Variants in HSF2BP observed in about 807,000 individuals in gnomAD.
The protein encoded by HSF2BP is heat shock factor 2-binding protein.
Under a neutral mutation model 35.0 loss-of-function variants are expected in HSF2BP, and 35 were observed. The observed-to-expected ratio is 1.00, with a 90% confidence interval of 0.76 to 1.32. The LOEUF (loss-of-function observed/expected upper bound fraction) is 1.32, where lower values mean the gene tolerates loss of function less well. Ranked by LOEUF, HSF2BP falls within the 40% of genes most tolerant of loss-of-function variation. HSF2BP has a pLI of 0.00. For synonymous variants in HSF2BP, 114 were observed against 117.4 expected, an observed-to-expected ratio of 0.97 and a Z score of 0.18; for missense variants, 326 against 321.7, an observed-to-expected ratio of 1.01 and a Z score of -0.10.
At chr21:43,607,238 C>T (rs1242510639) in intron 7 of HSF2BP, among the ~76,000 whole-genome samples, 4 of 151,024 alleles carry the variant, frequency 2.6e-5, no homozygotes, top group Admixed American at 2.0e-4. Flanking sequence ...TGCAGTGAGC[C>T]GTGATTATGC....
chr21:43,650,447 C>CACCT (rs2082768372), intron 3 of HSF2BP, among the ~76,000 whole-genome samples: 2 of 151,922 alleles, frequency 1.3e-5, no homozygotes, highest in African/African-American at 4.8e-5. Flanking sequence ...CCTCGTGATC[C>CACCT]GCCCACTTCG....
intron 5 of HSF2BP, among the ~76,000 whole-genome samples, chr21:43,632,485 CCA>C (rs919752360): frequency 5.2e-5 from 2 of 38,252 alleles, no homozygotes; most frequent in Non-Finnish European, 8.0e-5. Flanking sequence ...ACACACGCTG[CCA>C]CACACACACA....
intron 7 of HSF2BP, among the ~76,000 whole-genome samples, chr21:43,601,112 G>A (rs1601646005): frequency 6.6e-6 from 1 of 152,118 alleles, no homozygotes; most frequent in African/African-American, 2.4e-5. Context: ...AACATTTTCT[G>A]TACAAGCATC....
chr21:43,612,377 C>A (rs951043679), intron 7 of HSF2BP, among the ~76,000 whole-genome samples: 2 of 152,144 alleles, frequency 1.3e-5, no homozygotes, highest in African/African-American at 4.8e-5. Flanking sequence ...CTAGGCCGGG[C>A]GCAGGGGCTC....
chr21:43,592,262 A>G lies in HSF2BP; in HGVS notation c.759T>C (p.Ser253=). The G allele has an allele frequency of 6.2e-7, 1 of 1,613,678 alleles. No individual in the cohort carries two copies. Among genetic ancestry groups the G allele is most frequent in the South Asian group, 1.1e-5 (1 of 91,048 alleles). The change falls in exon 8 of 9, where the codon AGT becomes AGC. Residue 253 remains serine, a synonymous_variant. Transcript: ENST00000291560. ...NLKGLKYISE[S]PGFIPLLWWL... The stretch of plus-strand genomic sequence containing the variant: ...ACCACAGCAAAGGGATGAATCCTGG[A>G]CTCTCGCTGATGTATTTCAAGCCTT...
At chr21:43,625,142 C>G (rs568371656) in intron 6 of HSF2BP, among the ~76,000 whole-genome samples, 1 of 152,210 alleles carries the variant, frequency 6.6e-6, no homozygotes, top group South Asian at 2.1e-4. Context: ...ATACAGAAAA[C>G]TGGTAACAGC....
chr21:43,652,694 T>G (rs1488793827), intron 3 of HSF2BP, among the ~76,000 whole-genome samples: 1 of 152,064 alleles, frequency 6.6e-6, no homozygotes, highest in Non-Finnish European at 1.5e-5. Flanking sequence ...TGGTAAAAAC[T>G]CAAAAGCCAA....
chr21:43,501,328 G>A, the HSF2BP span, among the ~76,000 whole-genome samples: 1 of 119,952 alleles, frequency 8.3e-6, no homozygotes, highest in Non-Finnish European at 1.7e-5. Context: ...CACCAGGGAC[G>A]TGTAGCATCC....
chr21:43,658,334 G>A lies in HSF2BP; in HGVS notation c.-224-14C>T. The stretch of plus-strand genomic sequence containing the variant: ...TAAACTTGTTATCTGCAAAGCAGAA[G>A]GAAAGTCAGCCCCTGATGTAAGTGT... On this transcript the variant is annotated splice_polypyrimidine_tract_variant and intron_variant, in intron 1 of 8. Coordinates refer to ENST00000291560, the MANE Select transcript of HSF2BP (RefSeq NM_007031.2). 1.8e-6 allele frequency: 1 copy of A among 543,434 alleles called. No individual in the cohort carries two copies. The highest frequency in any genetic ancestry group is 2.4e-5 in the South Asian group (1 of 41,242). 33.7% of individuals were successfully genotyped at this position (543,434 alleles called of 1,614,324 possible). A position where few individuals can be genotyped will look rare whatever the true frequency, so the allele number is the denominator to read the frequency against.
chr21:43,609,222 T>A (rs1425067133), intron 7 of HSF2BP, among the ~76,000 whole-genome samples: 1 of 152,068 alleles, frequency 6.6e-6, no homozygotes, highest in African/African-American at 2.4e-5. Context: ...AAGTGGGAGC[T>A]AAACCCTTGG....
intron 3 of HSF2BP, among the ~76,000 whole-genome samples, chr21:43,645,936 G>A (rs894681570): frequency 3.3e-5 from 5 of 152,008 alleles, no homozygotes; most frequent in African/African-American, 4.8e-5. Context: ...TAGAGACCCC[G>A]TCCTAGAAGA....
At chr21:43,495,568 AC>A in the HSF2BP span, among the ~76,000 whole-genome samples, 5 of 111,794 alleles carry the variant, frequency 4.5e-5, 1 homozygote, top group Non-Finnish European at 7.7e-5. Context: ...TCATATCAGG[AC>A]TTCCACCTGG....
intron 7 of HSF2BP, among the ~76,000 whole-genome samples, chr21:43,594,719 G>C (rs554700777): frequency 1.7e-4 from 26 of 151,954 alleles, no homozygotes; most frequent in Non-Finnish European, 2.8e-4. Context: ...GGGAGGAAGG[G>C]AAGGAGGGAG....
chr21:43,618,712 A>C (rs4818854), intron 6 of HSF2BP, among the ~76,000 whole-genome samples: 1 of 151,320 alleles, frequency 6.6e-6, no homozygotes, highest in Non-Finnish European at 1.5e-5. Flanking sequence ...TGAGGCGGGC[A>C]GATCACGAGG....
At chr21:43,655,875 G>T (rs1180127985) in intron 3 of HSF2BP, among the ~76,000 whole-genome samples, 1 of 152,218 alleles carries the variant, frequency 6.6e-6, no homozygotes, top group Non-Finnish European at 1.5e-5. Context: ...TTCTCGGGGT[G>T]AGCTATCTTC....
At chr21:43,605,001 ACAT>A (rs1407520452) in intron 7 of HSF2BP, among the ~76,000 whole-genome samples, 1 of 146,554 alleles carries the variant, frequency 6.8e-6, no homozygotes, top group African/African-American at 2.5e-5. Context: ...CACACCACAC[ACAT>A]CAGACACCAC....
chr21:43,616,650 A>C (rs1035709438), intron 6 of HSF2BP, among the ~76,000 whole-genome samples: 1 of 152,130 alleles, frequency 6.6e-6, no homozygotes, highest in African/African-American at 2.4e-5. Flanking sequence ...CTTTAAAAAA[A>C]AGAAAAAACA....
At chr21:43,638,931 A>G (rs1322659049) in intron 4 of HSF2BP, among the ~76,000 whole-genome samples, 1 of 152,256 alleles carries the variant, frequency 6.6e-6, no homozygotes, top group Admixed American at 6.5e-5. Flanking sequence ...AGTAATCAGA[A>G]TAATGTATTA....
At chr21:43,587,457 G>T (rs2081866612) in intron 8 of HSF2BP, among the ~76,000 whole-genome samples, 1 of 151,958 alleles carries the variant, frequency 6.6e-6, no homozygotes, top group Admixed American at 6.6e-5. Context: ...CCTGAGGGCG[G>T]GAGTTCGAGA....
Sources: allele counts gnomAD v4.1 joint callset (sites outside exome capture counted in the v4.1 genomes callset), GRCh38; gene constraint gnomAD v4.1.1; transcripts MANE v1.5; gene names NCBI Gene and HGNC (gene_info 2026-07-23, HGNC 2026-07-21).